BMPR1A: variants seen among roughly 807,000 people sequenced by gnomAD.
The protein encoded by BMPR1A is bone morphogenetic protein receptor type-1A.
A neutral mutation model predicts 66.0 loss-of-function variants in BMPR1A; 7 were observed. The observed-to-expected ratio is 0.11, with a 90% confidence interval of 0.06 to 0.20. The LOEUF is 0.20. BMPR1A is among the 10% of genes least tolerant of loss of function. BMPR1A has a pLI of 1.00. For missense variants in BMPR1A, 408 were observed against 669.1 expected (o/e 0.61, Z 4.31); for synonymous variants, 200 against 229.7 (o/e 0.87, Z 1.17).
intron 8 of BMPR1A, among the ~76,000 whole-genome samples, chr10:86,916,613 T>C (rs1470173408): frequency 1.3e-5 from 2 of 152,244 alleles, no homozygotes; most frequent in African/African-American, 4.8e-5. Context: ...AGGGTAATTA[T>C]TATGACCATT....
At chr10:86,856,525 G>A (rs937848076) in intron 2 of BMPR1A, among the ~76,000 whole-genome samples, 29 of 152,172 alleles carry the variant, frequency 1.9e-4, no homozygotes, top group Non-Finnish European at 3.8e-4. Flanking sequence ...TCAGTTTATT[G>A]TGACTAGTAT....
Position 86,787,670 on chromosome 10 carries a change from T to C in BMPR1A, c.-268+30751T>C, listed in dbSNP as rs182139413. Among the ~76,000 whole-genome samples, 333 of 152,200 alleles carry C rather than the reference T, an allele frequency of 2.2e-3. 1 individual carries two copies. Among genetic ancestry groups the C allele is most frequent in the African/African-American group, 7.8e-3 (322 of 41,508 alleles). On this transcript the variant is annotated intron_variant, in intron 1 of 12. Transcript: ENST00000372037. ...GAAATACCAAAGACTGGGTAGTTTA[T>C]AAAGAAAAGAGAATTAATGGACTCA...
At chr10:86,804,366 G>C (rs1299464538) in intron 1 of BMPR1A, among the ~76,000 whole-genome samples, 1 of 151,842 alleles carries the variant, frequency 6.6e-6, no homozygotes, top group African/African-American at 2.4e-5. Context: ...CAGTCTCCCT[G>C]GTAGCTGGGA....
intron 1 of BMPR1A, among the ~76,000 whole-genome samples, chr10:86,782,481 C>T (rs34330274): frequency 0.099 from 15,107 of 152,048 alleles, 1,593 homozygotes; most frequent in African/African-American, 0.27. Context: ...CCTCCACATC[C>T]TTGCCAACAC....
At chr10:86,919,682 T>G (rs1195284362) in intron 10 of BMPR1A, among the ~76,000 whole-genome samples, 11 of 147,306 alleles carry the variant, frequency 7.5e-5, no homozygotes, top group Admixed American at 2.0e-4. Context: ...TTTTTTGGTG[T>G]TTTTTTTTGT....
chr10:86,837,231 C>CTGTGTGTGTG (rs140440137), intron 1 of BMPR1A, among the ~76,000 whole-genome samples: 36 of 143,748 alleles, frequency 2.5e-4, no homozygotes, highest in East Asian at 1.2e-3. Context: ...TAGAATCAGG[C>CTGTGTGTGTG]TGTGTGTGTG....
At chr10:86,782,503 T>C (rs1448347737) in intron 1 of BMPR1A, among the ~76,000 whole-genome samples, 1 of 152,076 alleles carries the variant, frequency 6.6e-6, no homozygotes, top group Non-Finnish European at 1.5e-5. Context: ...TGGTTTTCTG[T>C]TTTTTTGTTT....
chr10:86,788,212 A>T (rs1182118890), intron 1 of BMPR1A, among the ~76,000 whole-genome samples: 5 of 152,216 alleles, frequency 3.3e-5, no homozygotes, highest in African/African-American at 1.2e-4. Context: ...TTTAAAATTT[A>T]AAAAAGAGGC....
chr10:86,866,408 T>TTTCTTTTTTC (rs1416653210), intron 2 of BMPR1A, among the ~76,000 whole-genome samples: 1 of 110,446 alleles, frequency 9.1e-6, no homozygotes, highest in East Asian at 2.5e-4. Flanking sequence ...TCTTTTTTTT[T>TTTCTTTTTTC]TTTTTTTTTT....
intron 1 of BMPR1A, among the ~76,000 whole-genome samples, chr10:86,790,070 G>T (rs1267807563): frequency 4.2e-5 from 6 of 142,784 alleles, no homozygotes; most frequent in Admixed American, 2.9e-4. Flanking sequence ...GCAGGAGAAT[G>T]GCGTGAACCC....
chr10:86,839,696 A>C (rs1368245893), intron 2 of BMPR1A, among the ~76,000 whole-genome samples: 2 of 150,320 alleles, frequency 1.3e-5, no homozygotes, highest in African/African-American at 4.9e-5. Context: ...TTTTTAAGAC[A>C]GGATCTTGCT....
At chr10:86,793,880 T>G (rs1480275378) in intron 1 of BMPR1A, among the ~76,000 whole-genome samples, 1 of 152,188 alleles carries the variant, frequency 6.6e-6, no homozygotes, top group African/African-American at 2.4e-5. Context: ...ATGGATTCTG[T>G]GCCTCTTACA....
In BMPR1A at chr10:86,895,439, G is replaced by C. The variant is rs191737755; in HGVS notation, c.333+3210G>C. Among the ~76,000 whole-genome samples the C allele has an allele frequency of 3.0e-3, 458 of 152,126 alleles. 3 individuals are homozygous for C. The highest frequency in any genetic ancestry group is 0.011 in the African/African-American group (439 of 41,506). On this transcript the variant is annotated intron_variant, in intron 5 of 12. Coordinates refer to ENST00000372037, the MANE Select transcript of BMPR1A (RefSeq NM_004329.3). ...TTTAATCCCAGCTACTTGGGAGGCTGAGACAGGAGAATTGCTTGAACACAG... is the reference window on the plus strand; with the variant it reads ...TTTAATCCCAGCTACTTGGGAGGCTCAGACAGGAGAATTGCTTGAACACAG...
At chr10:86,890,426 T>C (rs114219360) in intron 4 of BMPR1A, among the ~76,000 whole-genome samples, 1,941 of 152,222 alleles carry the variant, frequency 0.013, 49 homozygotes, top group African/African-American at 0.044. Context: ...ATTAGAATTA[T>C]GTTATAATGC....
intron 2 of BMPR1A, among the ~76,000 whole-genome samples, chr10:86,848,211 G>A (rs1239383690): frequency 2.6e-5 from 4 of 152,098 alleles, no homozygotes; most frequent in Middle Eastern, 3.2e-3. Context: ...GATTACAGGC[G>A]TGAGCCACCA....
intron 3 of BMPR1A, among the ~76,000 whole-genome samples, chr10:86,887,728 ACTGTTTG>A (rs1843085868): frequency 6.6e-6 from 1 of 152,172 alleles, no homozygotes; most frequent in Non-Finnish European, 1.5e-5. Context: ...TATATTATAT[ACTGTTTG>A]TTTTCCAGAG....
intron 4 of BMPR1A, 90 bp from the exon 5 acceptor site, chr10:86,892,037 A>G (rs1431418743): frequency 2.1e-6 from 2 of 972,470 alleles, no homozygotes; most frequent in South Asian, 1.4e-5. Flanking sequence ...ATTAAAGGCC[A>G]TCTGTACCTG....
chr10:86,790,735 G>T (rs1416105604), intron 1 of BMPR1A, among the ~76,000 whole-genome samples: 1 of 152,212 alleles, frequency 6.6e-6, no homozygotes, highest in East Asian at 1.9e-4. Context: ...TGAAAGGTCC[G>T]GAAAAGGTAA....
At chr10:86,931,298 C>CACACATATATATAT, downstream of BMPR1A, 26 of 90,912 alleles carry the variant, frequency 2.9e-4, 1 homozygote, top group African/African-American at 4.9e-4. Flanking sequence ...CACACACACA[C>CACACATATATATAT]ATATATATAT....
Sources: gnomAD v4.1 joint callset for allele counts (sites outside exome capture counted in the v4.1 genomes callset) on GRCh38, gnomAD v4.1.1 for gene constraint, MANE v1.5 for transcripts, NCBI Gene and HGNC (gene_info 2026-07-23, HGNC 2026-07-21) for gene names.